The following ZNF75A variants were observed in gnomAD, a reference collection of about 807,000 sequenced individuals.
ZNF75A encodes the protein zinc finger protein 75A.
In ZNF75A, 36 loss-of-function variants were observed where a neutral mutation model predicts 46.3. That is an observed-to-expected ratio of 0.78 (90% CI 0.60 to 1.03). The LOEUF (loss-of-function observed/expected upper bound fraction) is 1.03. ZNF75A is among the 50% of genes least tolerant of loss of function. The probability of loss-of-function intolerance (pLI) is 0.00; values close to 1 mark genes in which losing one functional copy is unlikely to be tolerated. For synonymous variants in ZNF75A, 234 were observed against 189.9 expected (o/e 1.23, Z -1.91); for missense variants, 595 against 551.3 (o/e 1.08, Z -0.79).
chr16:3,311,043 T>A, intron 2 of ZNF75A: 1 of 683,930 alleles, frequency 1.5e-6, no homozygotes, highest in Non-Finnish European at 1.8e-6. Flanking sequence ...GGAAAACTTT[T>A]AAATTCATTT....
chr16:3,323,387 A>G, downstream of ZNF75A: 2 of 890,928 alleles, frequency 2.2e-6, no homozygotes. Context: ...AATGACACCA[A>G]ACTTCCCCAG....
intron 6 of ZNF75A, 69 bp from the exon 7 acceptor site, chr16:3,317,121 A>T: frequency 1.9e-6 from 3 of 1,542,102 alleles, no homozygotes; most frequent in Non-Finnish European, 2.6e-6. Flanking sequence ...TAATCATTGA[A>T]TTTTTCTTTT....
chr16:3,319,655 A>G (rs535720520), downstream of ZNF75A, among the ~76,000 whole-genome samples: 16 of 152,128 alleles, frequency 1.1e-4, no homozygotes, highest in Non-Finnish European at 2.1e-4. Flanking sequence ...GCATCCCCTC[A>G]TGGAACTTGT....
In ZNF75A at chr16:3,317,915, G is replaced by A; in HGVS notation, c.*46G>A. On this transcript the variant is annotated 3_prime_UTR_variant, in exon 7 of 7. Transcript: ENST00000669516. ...CTCATTCTGAAGACATTCACCAAAT[G>A]GAGCTTGGCACTAAAATTTATGTAA... 6.6e-7 allele frequency: 1 copy of A among 1,513,712 alleles called. No individual in the cohort carries two copies. The highest frequency in any genetic ancestry group is 1.4e-5 in the African/African-American group (1 of 71,402). 93.8% of individuals were successfully genotyped at this position (1,513,712 alleles called of 1,614,324 possible).
chr16:3,306,205 T>G (rs191019492), intron 1 of ZNF75A: 2 of 152,246 alleles, frequency 1.3e-5, no homozygotes, highest in Non-Finnish European at 2.9e-5. Flanking sequence ...TCAGCCCCCC[T>G]TAGAAGTCTA....
downstream of ZNF75A, among the ~76,000 whole-genome samples, chr16:3,320,977 C>G (rs562371194): frequency 6.6e-6 from 1 of 152,122 alleles, no homozygotes. Context: ...GGGGGAAAGT[C>G]GTAGCTTAGC....
At chr16:3,317,116 A>G in intron 6 of ZNF75A, 74 bp from the exon 7 acceptor site, 5 of 1,538,346 alleles carry the variant, frequency 3.3e-6, no homozygotes, top group Middle Eastern at 1.8e-4. Flanking sequence ...TTTTTTAATC[A>G]TTGAATTTTT....
chr16:3,322,584 G>A (rs1045895506), downstream of ZNF75A, among the ~76,000 whole-genome samples: 1 of 152,190 alleles, frequency 6.6e-6, no homozygotes, highest in Non-Finnish European at 1.5e-5. Context: ...AAAACTATCT[G>A]AATCACTTTT....
chr16:3,312,666 T>C lies in ZNF75A; in HGVS notation c.605-11T>C, dbSNP rs1199651867. ...TAAAAGAGATTTCTTCTGGCTCTTT[T>C]CCCCCCACAGCTGTGCCTACTCAAC... On this transcript the variant is annotated splice_polypyrimidine_tract_variant and intron_variant, in intron 3 of 6. Transcript: ENST00000669516. The C allele has an allele frequency of 1.0e-6, 1 of 995,510 alleles. No individual in the cohort carries two copies. The highest frequency in any genetic ancestry group is 1.2e-6 in the Non-Finnish European group (1 of 833,768). 61.7% of individuals were successfully genotyped at this position (995,510 alleles called of 1,614,324 possible). A position where few individuals can be genotyped will look rare whatever the true frequency, so the allele number is the denominator to read the frequency against.
chr16:3,307,736 G>C (rs1960400993), intron 1 of ZNF75A: 1 of 146,000 alleles, frequency 6.8e-6, no homozygotes. Context: ...TCGCTATGTT[G>C]CTCAGGCTGG....
chr16:3,322,675 T>A (rs75521590), downstream of ZNF75A, among the ~76,000 whole-genome samples: 1,960 of 152,282 alleles, frequency 0.013, 49 homozygotes, highest in African/African-American at 0.045. Flanking sequence ...TTTACAGTGT[T>A]TGGATATGAT....
intron 2 of ZNF75A, chr16:3,310,897 TG>T (rs1424207123): frequency 7.4e-5 from 73 of 985,202 alleles, no homozygotes; most frequent in Non-Finnish European, 8.6e-5. Flanking sequence ...TCGGGTCTGC[TG>T]GGAAGAATAC....
rs1344817150 is a variant in ZNF75A, at chr16:3,305,534, A to C, written c.-226A>C. ...TACCTGGACAGGGCTGCGGTAGGCC[A>C]GCGGTGGGCTGGCGGTTGCGCTCCT... On this transcript the variant is annotated 5_prime_UTR_variant, in exon 1 of 7. Transcript: ENST00000669516. 6.6e-6 allele frequency: 1 copy of C among 152,290 alleles called. No homozygotes were observed. Among genetic ancestry groups the C allele is most frequent in the Admixed American group, 6.5e-5 (1 of 15,292 alleles). The allele number at this position is 152,290 out of a possible 1,614,324, so 9.4% of individuals were successfully genotyped here. A position where few individuals can be genotyped will look rare whatever the true frequency, so the allele number is the denominator to read the frequency against.
chr16:3,317,383 G>A lies in ZNF75A; in HGVS notation c.1128G>A (p.Lys376=). 1 of 1,614,006 alleles carries A rather than the reference G, an allele frequency of 6.2e-7. No individual in the cohort carries two copies. Among genetic ancestry groups the A allele is most frequent in the Non-Finnish European group, 8.5e-7 (1 of 1,179,936 alleles). The change falls in exon 7 of 7, where the codon AAG becomes AAA. Residue 376 remains lysine, a synonymous_variant. Coordinates refer to ENST00000669516, the MANE Select transcript of ZNF75A (RefSeq NM_001302109.2). The part of the protein sequence containing the change: ...WHQDFPVKKR[K]KLSTWKQELL... ...AAGATTTTCCAGTGAAGAAAAGAAA[G>A]AAACTTTCAACCTGGAAACAAGAGC...
At position 3,308,830 on chromosome 16, in the gene ZNF75A, G is replaced by C. The variant is rs1407180593; in HGVS notation, c.402G>C (p.Trp134Cys). The C allele has an allele frequency of 3.0e-6, 3 of 985,790 alleles. No homozygotes were observed. Among genetic ancestry groups the C allele is most frequent in the Non-Finnish European group, 2.4e-6 (2 of 830,010 alleles). 61.1% of individuals were successfully genotyped at this position (985,790 alleles called of 1,614,324 possible). ...EHLQRESGQTWNGVAVHELGK... is the reference protein window; with the variant it reads ...EHLQRESGQTCNGVAVHELGK... ...TGCAGAGGGAATCTGGTCAAACATG[G>C]AATGGGGTGAGAAGAAAGATTCCTG... is the stretch of plus-strand genomic sequence containing the variant. The change falls in exon 2 of 7, where the codon TGG becomes TGC. Residue 134 changes from tryptophan to cysteine, a missense_variant. Trp to Cys is a radical substitution (Grantham distance 215). Coordinates refer to ENST00000669516, the MANE Select transcript of ZNF75A (RefSeq NM_001302109.2).
rs757575759 is a variant in ZNF75A at position 3,317,709 on chromosome 16, C to G, written c.1454C>G (p.Pro485Arg). Residue 485 changes from proline (P) to arginine (R), a missense_variant, in exon 7 of 7, where the codon CCC becomes CGC. By Grantham distance (103) the Pro-to-Arg change is moderately radical. Coordinates refer to ENST00000669516, the MANE Select transcript of ZNF75A (RefSeq NM_001302109.2). ...CAAAGAACTCATACAGGAGAAAAGC[C>G]CTTCACATGTCATGAATGTGGAAAA... ...THQRTHTGEK[P>R]FTCHECGKKF... 2.5e-6 allele frequency: 4 copies of G among 1,614,136 alleles called. No individual in the cohort carries two copies. The East Asian group carries it at 8.9e-5, about 36-fold the overall frequency.
At chr16:3,322,306 G>T (rs2029973642), downstream of ZNF75A, among the ~76,000 whole-genome samples, 1 of 152,132 alleles carries the variant, frequency 6.6e-6, no homozygotes, top group African/African-American at 2.4e-5. Context: ...TGGGTTCACT[G>T]GGGACCGAGA....
intron 2 of ZNF75A, chr16:3,311,505 G>A (rs1317588459): frequency 6.6e-6 from 1 of 152,030 alleles, no homozygotes; most frequent in South Asian, 2.1e-4. Context: ...CGTATACAGA[G>A]GAGTAGAAGC....
In ZNF75A at chr16:3,311,915, ACT is replaced by A. The variant is rs1960835019; in HGVS notation, c.573_574del (p.His192Ter). 1 of 988,344 alleles carries A rather than the reference ACT, an allele frequency of 1.0e-6. No homozygotes were observed. The highest frequency in any genetic ancestry group is 1.1e-4 in the East Asian group (1 of 8,944). The allele number at this position is 988,344 out of a possible 1,614,324, so 61.2% of individuals were successfully genotyped here. A position where few individuals can be genotyped will look rare whatever the true frequency, so the allele number is the denominator to read the frequency against. ...EGLQEQLSRNTHKETEPVYER... is the reference protein window; with the variant it reads ...EGLQEQLSRNXHKETEPVYER... ...TCTGCAAGAACAGCTCAGCAGGAAT[ACT>A]CATAAAGAGACTGAGCCTGTGTATG... On this transcript the variant is annotated frameshift_variant, in exon 3 of 7. Coordinates refer to ENST00000669516, the MANE Select transcript of ZNF75A (RefSeq NM_001302109.2). LOFTEE classifies it high-confidence loss of function.
Sources: gnomAD v4.1 joint callset for allele counts (sites outside exome capture counted in the v4.1 genomes callset) on GRCh38, gnomAD v4.1.1 for gene constraint, MANE v1.5 for transcripts, NCBI Gene and HGNC (gene_info 2026-07-23, HGNC 2026-07-21) for gene names.